The following ZFYVE9 variants were observed in gnomAD, a reference collection of about 807,000 sequenced individuals.
ZFYVE9 encodes zinc finger FYVE domain-containing protein 9.
In ZFYVE9, 43 loss-of-function variants were observed where a neutral mutation model predicts 126.7. The ratio of observed to expected loss-of-function variants is 0.34; its 90% CI spans 0.27 to 0.44. The LOEUF (loss-of-function observed/expected upper bound fraction) is 0.44, where lower values mean the gene tolerates loss of function less well. Among genes scored for constraint, ZFYVE9 ranks in the 20% least tolerant of loss-of-function variants. ZFYVE9 has a pLI of 1.00. For synonymous variants in ZFYVE9, 521 were observed against 597.4 expected, an observed-to-expected ratio of 0.87 and a Z score of 1.87; for missense variants, 1,476 against 1,697.0, an observed-to-expected ratio of 0.87 and a Z score of 2.29.
intron 1 of ZFYVE9, among the ~76,000 whole-genome samples, chr1:52,209,147 TA>T (rs916776639): frequency 1.3e-5 from 2 of 152,048 alleles, no homozygotes; most frequent in African/African-American, 4.8e-5. Flanking sequence ...AGTGCTCTGA[TA>T]GGGGTAAAAG....
chr1:52,172,736 C>T (rs1032940084), intron 1 of ZFYVE9, among the ~76,000 whole-genome samples: 1 of 151,350 alleles, frequency 6.6e-6, no homozygotes, highest in African/African-American at 2.4e-5. Context: ...AAGTTGGATT[C>T]CTAAGTATTT....
intron 6 of ZFYVE9, 27 bp downstream of exon 6, chr1:52,266,858 C>A (rs1262941724): frequency 2.0e-6 from 3 of 1,527,792 alleles, no homozygotes; most frequent in Admixed American, 4.4e-5. Flanking sequence ...TATTCTCTCT[C>A]TTTTTCCTCA....
At chr1:52,260,216 T>G (rs1260567852) in intron 4 of ZFYVE9, among the ~76,000 whole-genome samples, 1 of 152,136 alleles carries the variant, frequency 6.6e-6, no homozygotes, top group Non-Finnish European at 1.5e-5. Flanking sequence ...AAAAAAAATC[T>G]TTGCTAGTCT....
intron 12 of ZFYVE9, among the ~76,000 whole-genome samples, chr1:52,298,006 GT>G (rs1307245538): frequency 6.6e-6 from 1 of 152,106 alleles, no homozygotes; most frequent in Non-Finnish European, 1.5e-5. Context: ...TAATTGGGTT[GT>G]CTTTTTGCTG....
At chr1:52,181,507 C>T (rs1461049128) in intron 1 of ZFYVE9, among the ~76,000 whole-genome samples, 1 of 152,224 alleles carries the variant, frequency 6.6e-6, no homozygotes, top group Admixed American at 6.5e-5. Flanking sequence ...GCCGCCACCC[C>T]GTCTGGGAAG....
intron 4 of ZFYVE9, among the ~76,000 whole-genome samples, chr1:52,256,118 T>C (rs1158385104): frequency 6.6e-6 from 1 of 151,330 alleles, no homozygotes; most frequent in East Asian, 1.9e-4. Flanking sequence ...CAGGCTGGAG[T>C]GCAATGGCGC....
At chr1:52,181,688 G>A (rs919309518) in intron 1 of ZFYVE9, among the ~76,000 whole-genome samples, 6 of 151,736 alleles carry the variant, frequency 4.0e-5, no homozygotes, top group African/African-American at 1.2e-4. Flanking sequence ...GAGCGTCTCT[G>A]CCCGGCCGCC....
rs1388111058 is a variant in ZFYVE9, at chr1:52,340,119, A to G, written c.3834-7A>G. ...CTGCTTCTATCTTTCCTTTGCCTCT[A>G]TTTTAGTGTCGTAAGTCCTATAGAT... On this transcript the variant is annotated splice_region_variant and splice_polypyrimidine_tract_variant and intron_variant, in intron 16 of 18. Transcript: ENST00000287727. The G allele has an allele frequency of 1.2e-6, 2 of 1,606,464 alleles. No individual in the cohort carries two copies. Among genetic ancestry groups the G allele is most frequent in the Non-Finnish European group, 1.7e-6 (2 of 1,174,092 alleles).
intron 17 of ZFYVE9, among the ~76,000 whole-genome samples, chr1:52,341,971 A>G (rs1646441075): frequency 6.6e-6 from 1 of 152,224 alleles, no homozygotes; most frequent in Non-Finnish European, 1.5e-5. Context: ...CCCCAGTAGC[A>G]GTGAGGTAGG....
At chr1:52,225,637 GGGGTGGC>G (rs1285334517) in intron 2 of ZFYVE9, among the ~76,000 whole-genome samples, 11 of 152,296 alleles carry the variant, frequency 7.2e-5, no homozygotes, top group African/African-American at 2.6e-4. Context: ...GATTTGTGAA[GGGGTGGC>G]GGTAAAGAAG....
chr1:52,339,128 T>C (rs1646413437), intron 16 of ZFYVE9, among the ~76,000 whole-genome samples: 1 of 152,240 alleles, frequency 6.6e-6, no homozygotes, highest in Admixed American at 6.5e-5. Context: ...TATCTCCATG[T>C]ATTTATACTT....
chr1:52,154,189 C>T (rs929316822), intron 1 of ZFYVE9, among the ~76,000 whole-genome samples: 5 of 152,166 alleles, frequency 3.3e-5, no homozygotes, highest in African/African-American at 1.2e-4. Flanking sequence ...TCTCTATGGA[C>T]AGGAAAGGCA....
chr1:52,196,027 C>T lies in ZFYVE9; in HGVS notation c.-142-20342C>T, dbSNP rs529682489. On this transcript the variant is annotated intron_variant, in intron 1 of 18. Coordinates refer to ENST00000287727, the MANE Select transcript of ZFYVE9 (RefSeq NM_004799.4). ...CAGGCTGGTCTCGAACTCCTGACCT[C>T]GTGATCCGCCTACCTTGGCCTCCCA... Among the ~76,000 whole-genome samples, 14 of 152,066 alleles carry T rather than the reference C, an allele frequency of 9.2e-5. No individual in the cohort carries two copies. The East Asian group carries it at 2.3e-3, about 25-fold the overall frequency.
chr1:52,162,895 A>G (rs1027598639), intron 1 of ZFYVE9: 1 of 508,316 alleles, frequency 2.0e-6, no homozygotes, highest in East Asian at 4.3e-5. Context: ...AGAGTGTTTG[A>G]AAACCCTTGA....
At chr1:52,273,515 A>C (rs542263101) in intron 7 of ZFYVE9, among the ~76,000 whole-genome samples, 2 of 152,280 alleles carry the variant, frequency 1.3e-5, no homozygotes, top group East Asian at 3.9e-4. Context: ...AGCTAATGTG[A>C]TCTGCCTAGT....
intron 4 of ZFYVE9, among the ~76,000 whole-genome samples, chr1:52,259,572 G>C (rs923043675): frequency 6.7e-6 from 1 of 150,094 alleles, no homozygotes; most frequent in Non-Finnish European, 1.5e-5. Flanking sequence ...CAGATCACTT[G>C]AGGTCAGAAG....
Position 52,238,355 on chromosome 1 carries a change from T to A in ZFYVE9, c.938T>A (p.Met313Lys). The part of the protein sequence containing the change: ...DLGSPNSFSH[M>K]SEGILMKKEP... ...GGGAGTCCAAATTCCTTTTCCCACA[T>A]GAGTGAGGGGATTTTGATGAAAAAA... Residue 313 changes from methionine to lysine, a missense_variant, in exon 4 of 19, where the codon ATG (methionine) becomes AAG (lysine). Coordinates refer to ENST00000287727, the MANE Select transcript of ZFYVE9 (RefSeq NM_004799.4). 6.2e-7 allele frequency: 1 copy of A among 1,613,696 alleles called. No homozygotes were observed. Among genetic ancestry groups the A allele is most frequent in the Non-Finnish European group, 8.5e-7 (1 of 1,179,930 alleles).
At chr1:52,254,009 A>G in intron 4 of ZFYVE9, 1 of 775,192 alleles carries the variant, frequency 1.3e-6, no homozygotes, top group Non-Finnish European at 2.3e-6. Context: ...AATCATAGGA[A>G]GCCAACTTGG....
intron 1 of ZFYVE9, among the ~76,000 whole-genome samples, chr1:52,177,944 G>GTT (rs1446614373): frequency 0.035 from 5,130 of 148,024 alleles, 219 homozygotes; most frequent in African/African-American, 0.1. Context: ...AAGTAGTTTT[G>GTT]TTTTTTTTTT....
Sources: gnomAD v4.1 joint callset for allele counts (sites outside exome capture counted in the v4.1 genomes callset) on GRCh38, gnomAD v4.1.1 for gene constraint, MANE v1.5 for transcripts, NCBI Gene and HGNC (gene_info 2026-07-23, HGNC 2026-07-21) for gene names.